Variants in MYO6 observed in about 807,000 individuals in gnomAD.
The protein encoded by MYO6 is unconventional myosin-VI.
A neutral mutation model predicts 178.7 loss-of-function variants in MYO6; 74 were observed. That is an observed-to-expected ratio of 0.41 (90% CI 0.34 to 0.50). The LOEUF is 0.50. Ranked by LOEUF, MYO6 falls within the 20% of genes least tolerant of loss-of-function variation. MYO6 has a pLI of 0.09. For missense variants in MYO6, 1,330 were observed against 1,547.4 expected, an observed-to-expected ratio of 0.86 and a Z score of 2.36; for synonymous variants, 477 against 504.6, an observed-to-expected ratio of 0.95 and a Z score of 0.73.
At chr6:75,885,873 C>G (rs886133472) in intron 23 of MYO6, 131 bp from the exon 24 acceptor site, 99 of 651,892 alleles carry the variant, frequency 1.5e-4, no homozygotes, top group Non-Finnish European at 2.3e-4. Context: ...TTTTTGATGT[C>G]TGATATATAA....
At chr6:75,824,307 A>C (rs1330814934) in intron 3 of MYO6, among the ~76,000 whole-genome samples, 1 of 152,224 alleles carries the variant, frequency 6.6e-6, no homozygotes, top group South Asian at 2.1e-4. Context: ...GCCAGATGGC[A>C]GCAGTGTTAA....
intron 11 of MYO6, among the ~76,000 whole-genome samples, chr6:75,850,259 G>C (rs369111120): frequency 1.3e-5 from 2 of 151,778 alleles, no homozygotes; most frequent in Admixed American, 6.6e-5. Context: ...AAGAGCACAA[G>C]AAGACAGGAA....
At chr6:75,785,661 A>T in intron 1 of MYO6, among the ~76,000 whole-genome samples, 1 of 150,822 alleles carries the variant, frequency 6.6e-6, no homozygotes. Flanking sequence ...TCCTATTGTA[A>T]GATCATGAAG....
chr6:75,848,831 A>C (rs1042935407), intron 11 of MYO6, among the ~76,000 whole-genome samples: 11 of 152,130 alleles, frequency 7.2e-5, no homozygotes, highest in African/African-American at 2.7e-4. Context: ...TTTTCCAGTT[A>C]TATTACACTT....
chr6:75,786,956 T>C (rs1767628117), intron 1 of MYO6, among the ~76,000 whole-genome samples: 1 of 152,250 alleles, frequency 6.6e-6, no homozygotes, highest in African/African-American at 2.4e-5. Context: ...GTCTGAAGCA[T>C]GTCATTCATA....
At chr6:75,822,285 A>T (rs541845748) in intron 2 of MYO6, among the ~76,000 whole-genome samples, 34 of 152,026 alleles carry the variant, frequency 2.2e-4, no homozygotes, top group African/African-American at 6.8e-4. Flanking sequence ...TTTAGTAGAG[A>T]CGGAGTTCTA....
chr6:75,887,694 C>CCGGGCA (rs1187137258), intron 25 of MYO6, among the ~76,000 whole-genome samples: 1 of 148,514 alleles, frequency 6.7e-6, no homozygotes, highest in Non-Finnish European at 1.5e-5. Context: ...AAGAAAATGG[C>CCGGGCA]CGGGCACGGT....
chr6:75,827,506 T>A (rs1192426812), intron 3 of MYO6, among the ~76,000 whole-genome samples: 1 of 152,088 alleles, frequency 6.6e-6, no homozygotes, highest in African/African-American at 2.4e-5. Context: ...CAGTGATGAT[T>A]TTATGGGGAG....
intron 28 of MYO6, chr6:75,894,804 A>C (rs1334311015): frequency 1.3e-6 from 2 of 1,516,846 alleles, no homozygotes; most frequent in Admixed American, 4.2e-5. Context: ...ATTTTAAGTT[A>C]CTTTTCCAGC....
In MYO6 at chr6:75,866,511, T is replaced by A. The variant is rs778042325; in HGVS notation, c.1675-15T>A. The A allele has an allele frequency of 6.4e-7, 1 of 1,570,648 alleles. No homozygotes were observed. The highest frequency in any genetic ancestry group is 1.4e-5 in the African/African-American group (1 of 74,070). On this transcript the variant is annotated splice_polypyrimidine_tract_variant and intron_variant, in intron 16 of 34. Transcript: ENST00000369977. ...TTTTGATCATTTAATAACTCATATA[T>A]GTATTGTTTTTCAGATTCCCAGAAA...
intron 30 of MYO6, 135 bp from the exon 31 acceptor site, chr6:75,907,470 T>G: frequency 1.5e-6 from 1 of 688,252 alleles, no homozygotes; most frequent in Non-Finnish European, 2.5e-6. Flanking sequence ...TAATCTCATC[T>G]GTCAAAGAAA....
chr6:75,757,383 G>GTGTATATATGTA, intron 1 of MYO6, among the ~76,000 whole-genome samples: 1 of 147,708 alleles, frequency 6.8e-6, no homozygotes, highest in Admixed American at 6.7e-5. Context: ...GTATATATAT[G>GTGTATATATGTA]TATACACATA....
At chr6:75,828,476 T>C (rs1772714998) in intron 3 of MYO6, 64 bp from the exon 4 acceptor site, 1 of 959,236 alleles carries the variant, frequency 1.0e-6, no homozygotes, top group Non-Finnish European at 1.7e-6. Context: ...CAGATTAAGA[T>C]AGTATTGCTT....
chr6:75,901,017 C>T (rs1360402875), intron 30 of MYO6, among the ~76,000 whole-genome samples: 1 of 151,866 alleles, frequency 6.6e-6, no homozygotes, highest in African/African-American at 2.4e-5. Context: ...TTGTTTTTCT[C>T]AGGTTTGTCA....
intron 22 of MYO6, among the ~76,000 whole-genome samples, chr6:75,880,776 T>C (rs763890670): frequency 7.9e-5 from 12 of 152,260 alleles, no homozygotes; most frequent in Admixed American, 2.0e-4. Flanking sequence ...GAAGCCGTTA[T>C]ATTGGTTGAT....
At chr6:75,905,301 G>A (rs891391842) in intron 30 of MYO6, among the ~76,000 whole-genome samples, 2 of 152,240 alleles carry the variant, frequency 1.3e-5, no homozygotes, top group Admixed American at 6.5e-5. Flanking sequence ...CTGGGCAATG[G>A]CGGGCGCCCC....
chr6:75,762,055 C>T (rs1778000884), intron 1 of MYO6, among the ~76,000 whole-genome samples: 1 of 152,062 alleles, frequency 6.6e-6, no homozygotes, highest in South Asian at 2.1e-4. Flanking sequence ...CCTCAGCCTC[C>T]TGAGTAGCTG....
intron 1 of MYO6, among the ~76,000 whole-genome samples, chr6:75,752,163 TTTA>T (rs1335235156): frequency 2.6e-5 from 4 of 152,070 alleles, no homozygotes; most frequent in African/African-American, 9.7e-5. Flanking sequence ...TGGCCAATTT[TTTA>T]TTATTATTAG....
At chr6:75,831,091 C>T (rs1773029750) in intron 5 of MYO6, among the ~76,000 whole-genome samples, 4 of 152,202 alleles carry the variant, frequency 2.6e-5, no homozygotes, top group Admixed American at 6.5e-5. Context: ...AGTAGTGTCT[C>T]TTTGCCTTTC....
Sources: allele counts gnomAD v4.1 joint callset (sites outside exome capture counted in the v4.1 genomes callset), GRCh38; gene constraint gnomAD v4.1.1; transcripts MANE v1.5; gene names NCBI Gene and HGNC (gene_info 2026-07-23, HGNC 2026-07-21).